Variants in WDR25 observed in about 807,000 individuals in gnomAD.
The protein encoded by WDR25 is WD repeat domain 25.
WDR25 carries 35 observed loss-of-function variants against 47.7 expected under a neutral mutation model. That is an observed-to-expected ratio of 0.73 (90% CI 0.56 to 0.97). WDR25 has a LOEUF of 0.97. WDR25 is among the 50% of genes least tolerant of loss of function. The probability of loss-of-function intolerance (pLI) is 0.00; values close to 1 mark genes in which losing one functional copy is unlikely to be tolerated. For synonymous variants in WDR25, 248 were observed against 278.9 expected, an observed-to-expected ratio of 0.89 and a Z score of 1.10; for missense variants, 634 against 704.7, an observed-to-expected ratio of 0.90 and a Z score of 1.14.
intron 2 of WDR25, among the ~76,000 whole-genome samples, chr14:100,451,576 G>A (rs1215589135): frequency 1.3e-5 from 2 of 152,186 alleles, no homozygotes; most frequent in East Asian, 1.9e-4. Context: ...TGAGGCCAGA[G>A]GCTGAGTGTG....
At chr14:100,417,841 G>C (rs535505929) in intron 2 of WDR25, among the ~76,000 whole-genome samples, 1 of 152,290 alleles carries the variant, frequency 6.6e-6, no homozygotes, top group East Asian at 1.9e-4. Flanking sequence ...GTTGTGGACA[G>C]GCGTGTCATG....
intron 2 of WDR25, among the ~76,000 whole-genome samples, chr14:100,398,295 C>G (rs2140166110): frequency 6.6e-6 from 1 of 152,350 alleles, no homozygotes; most frequent in East Asian, 1.9e-4. Flanking sequence ...ACACTGCTAA[C>G]ACGCTGGAGT....
chr14:100,511,881 T>A (rs1901322624), intron 4 of WDR25, among the ~76,000 whole-genome samples: 1 of 152,238 alleles, frequency 6.6e-6, no homozygotes, highest in Non-Finnish European at 1.5e-5. Context: ...GTTTTTTTAT[T>A]CTGTTAATAT....
chr14:100,395,390 T>C (rs1667897694), intron 2 of WDR25, among the ~76,000 whole-genome samples: 1 of 152,034 alleles, frequency 6.6e-6, no homozygotes, highest in African/African-American at 2.4e-5. Context: ...CTCAGGAGAG[T>C]ACCAGGCGTA....
rs560034110 is a variant in WDR25 at position 100,521,622 on chromosome 14, G to A, written c.1102-4248G>A. Among the ~76,000 whole-genome samples the A allele has an allele frequency of 1.2e-4, 18 of 152,244 alleles. 1 individual carries two copies. In the South Asian group the frequency reaches 3.3e-3, roughly 28 times the overall value. ...TTTTACAACTGCGTAGTGGTCCAGA[G>A]TATTAATGTACTAGAGTTTATTCAG... On this transcript the variant is annotated intron_variant, in intron 4 of 6. Coordinates refer to ENST00000402312, the MANE Select transcript of WDR25 (RefSeq NM_001161476.3).
intron 2 of WDR25, among the ~76,000 whole-genome samples, chr14:100,464,771 ATCTCATCTCATCTCAT>A: frequency 1.0e-5 from 1 of 95,572 alleles, no homozygotes; most frequent in Middle Eastern, 7.9e-3. Context: ...ATCTCATCTC[ATCTCATCTCATCTCAT>A]CTCATCTCAT....
chr14:100,520,115 G>T, intron 4 of WDR25, among the ~76,000 whole-genome samples: 1 of 145,894 alleles, frequency 6.9e-6, no homozygotes, highest in Admixed American at 6.9e-5. Flanking sequence ...ATATAGTCTT[G>T]GTCTATTATC....
chr14:100,415,014 A>C (rs1380198927), intron 2 of WDR25, among the ~76,000 whole-genome samples: 1 of 152,100 alleles, frequency 6.6e-6, no homozygotes, highest in Non-Finnish European at 1.5e-5. Flanking sequence ...GGCAGCTGTC[A>C]GGTGAGCAAG....
chr14:100,376,514 G>T lies in WDR25; in HGVS notation c.-16+19G>T. On this transcript the variant is annotated intron_variant, in intron 1 of 6. Transcript: ENST00000402312. Reference sequence around the variant, plus strand: ...GCTTCCGGTGCGTGTGGTGAGCGGCGGGCCCCGGGCTGGAGGGGCCGGGAC... The same window carrying T: ...GCTTCCGGTGCGTGTGGTGAGCGGCTGGCCCCGGGCTGGAGGGGCCGGGAC... 8.1e-7 allele frequency: 1 copy of T among 1,231,822 alleles called. No homozygotes were observed. Among genetic ancestry groups the T allele is most frequent in the Non-Finnish European group, 1.0e-6 (1 of 988,052 alleles). 76.3% of individuals were successfully genotyped at this position (1,231,822 alleles called of 1,614,324 possible).
rs1418276103 is a variant in WDR25 at position 100,398,926 on chromosome 14, T to C, written c.822+17180T>C. ...CAGTTAAGCTCGTACTGGATGTCTT[T>C]TGGTTTTCAAGACTTGCTTCCTAGT... On this transcript the variant is annotated intron_variant, in intron 2 of 6. Transcript: ENST00000402312. 6.0e-5 allele frequency among the ~76,000 whole-genome samples: 9 copies of C among 150,840 alleles called. No homozygotes were observed. In the Admixed American group the frequency reaches 6.0e-4, roughly 10 times the overall value.
chr14:100,453,157 G>C (rs1052171902), intron 2 of WDR25, among the ~76,000 whole-genome samples: 1 of 152,220 alleles, frequency 6.6e-6, no homozygotes, highest in Non-Finnish European at 1.5e-5. Context: ...CAACCTAAAG[G>C]CTGGCAGTAG....
chr14:100,454,675 G>C, intron 2 of WDR25: 1 of 364,470 alleles, frequency 2.7e-6, no homozygotes, highest in South Asian at 2.1e-5. Flanking sequence ...ATAGGCTCCA[G>C]TCTGTGCCAG....
At chr14:100,384,207 C>T (rs1896968251) in intron 2 of WDR25, among the ~76,000 whole-genome samples, 1 of 152,248 alleles carries the variant, frequency 6.6e-6, no homozygotes, top group African/African-American at 2.4e-5. Flanking sequence ...TCTCCTGACC[C>T]TCTTTTTTTA....
rs1898132635 is a variant in WDR25, at chr14:100,425,177, G to A, written c.823-42844G>A. ...CTGGCCCCATGGCCTGCAGGGCTCAGGATCAAGTTCCTCTTCCTTGATGTG... is the reference window on the plus strand; with the variant it reads ...CTGGCCCCATGGCCTGCAGGGCTCAAGATCAAGTTCCTCTTCCTTGATGTG... On this transcript the variant is annotated intron_variant, in intron 2 of 6. Coordinates refer to ENST00000402312, the MANE Select transcript of WDR25 (RefSeq NM_001161476.3). The surrounding 1 kb of genome is among the most constrained non-coding windows in gnomAD (Gnocchi z 4.8). 6.6e-6 allele frequency among the ~76,000 whole-genome samples: 1 copy of A among 152,240 alleles called. No homozygotes were observed. Among genetic ancestry groups the A allele is most frequent in the Non-Finnish European group, 1.5e-5 (1 of 68,048 alleles).
intron 4 of WDR25, among the ~76,000 whole-genome samples, chr14:100,524,643 C>T (rs1352760320): frequency 6.6e-6 from 1 of 152,120 alleles, no homozygotes; most frequent in African/African-American, 2.4e-5. Flanking sequence ...GAAGAGCGGT[C>T]ATCTGTTGCC....
chr14:100,484,745 A>T (rs962498064), intron 4 of WDR25, among the ~76,000 whole-genome samples: 3 of 152,030 alleles, frequency 2.0e-5, no homozygotes, highest in Admixed American at 6.6e-5. Context: ...TCACATTCCC[A>T]TACCCAAACC....
rs114694311 is a variant in WDR25, at chr14:100,460,836, A to G, written c.823-7185A>G. 3.8e-3 allele frequency among the ~76,000 whole-genome samples: 572 copies of G among 152,332 alleles called. 7 individuals carry two copies. Among genetic ancestry groups the G allele is most frequent in the African/African-American group, 0.013 (541 of 41,568 alleles). On this transcript the variant is annotated intron_variant, in intron 2 of 6. Coordinates refer to ENST00000402312, the MANE Select transcript of WDR25 (RefSeq NM_001161476.3). ...ATTTAGCATTCTACTGGAGATTGCC[A>G]GTGTGATAAGACAAGACAAGAAAAG...
At chr14:100,451,243 C>CTT (rs11288233) in intron 2 of WDR25, among the ~76,000 whole-genome samples, 1 of 134,638 alleles carries the variant, frequency 7.4e-6, no homozygotes. Context: ...CCAAAGCATT[C>CTT]TTTTTTTTTT....
chr14:100,415,673 C>A (rs1157596693), intron 2 of WDR25, among the ~76,000 whole-genome samples: 2 of 152,134 alleles, frequency 1.3e-5, no homozygotes, highest in African/African-American at 2.4e-5. Context: ...GTAATGCATC[C>A]CACTGTGTGT....
Sources: allele counts gnomAD v4.1 joint callset (sites outside exome capture counted in the v4.1 genomes callset), GRCh38; gene constraint gnomAD v4.1.1; non-coding constraint Gnocchi (gnomAD v3.1); transcripts MANE v1.5; gene names NCBI Gene and HGNC (gene_info 2026-07-23, HGNC 2026-07-21).